Variants in RBMS3 observed in about 807,000 individuals in gnomAD.
RBMS3 encodes RNA binding motif single stranded interacting protein 3, also known as RNA-binding motif, single-stranded-interacting protein 3.
Under a neutral mutation model 66.8 loss-of-function variants are expected in RBMS3, and 27 were observed. The ratio of observed to expected loss-of-function variants is 0.40; its 90% confidence interval spans 0.30 to 0.56. The LOEUF (loss-of-function observed/expected upper bound fraction) is 0.56, where lower values mean the gene tolerates loss of function less well. RBMS3 is among the 20% of genes least tolerant of loss of function. The pLI is 0.40. For missense variants in RBMS3, 513 were observed against 549.5 expected, an observed-to-expected ratio of 0.93 and a Z score of 0.66; for synonymous variants, 188 against 183.0, an observed-to-expected ratio of 1.03 and a Z score of -0.22.
intron 12 of RBMS3, among the ~76,000 whole-genome samples, chr3:29,976,053 T>G (rs892106693): frequency 6.6e-6 from 1 of 151,990 alleles, no homozygotes; most frequent in Non-Finnish European, 1.5e-5. Context: ...TCTCTCATAT[T>G]TCTAGTTATT....
At chr3:29,402,969 A>G (rs2039875472) in intron 1 of RBMS3, among the ~76,000 whole-genome samples, 1 of 151,938 alleles carries the variant, frequency 6.6e-6, no homozygotes, top group South Asian at 2.1e-4. Context: ...TACTTTACTT[A>G]CTGAGCACTT....
At chr3:29,411,365 A>G (rs916753683) in intron 1 of RBMS3, among the ~76,000 whole-genome samples, 6 of 152,206 alleles carry the variant, frequency 3.9e-5, no homozygotes, top group African/African-American at 1.4e-4. Flanking sequence ...CTCTTTTGAC[A>G]AATCCTCATT....
intron 1 of RBMS3, among the ~76,000 whole-genome samples, chr3:29,295,356 T>C (rs2033182657): frequency 6.9e-6 from 1 of 145,272 alleles, no homozygotes; most frequent in African/African-American, 2.5e-5. Flanking sequence ...CATATATATA[T>C]ACACACACAT....
intron 14 of RBMS3, among the ~76,000 whole-genome samples, chr3:29,992,345 G>T (rs1698936540): frequency 6.6e-6 from 1 of 152,200 alleles, no homozygotes; most frequent in Non-Finnish European, 1.5e-5. Context: ...CCAGCACTAT[G>T]GGAGGCCGAG....
chr3:29,712,488 G>C (rs563233552), intron 4 of RBMS3, among the ~76,000 whole-genome samples: 2 of 152,072 alleles, frequency 1.3e-5, no homozygotes, highest in African/African-American at 4.8e-5. Context: ...AATGTTTATA[G>C]TTTTTGTAGA....
At chr3:29,409,106 G>A (rs1032902927) in intron 1 of RBMS3, among the ~76,000 whole-genome samples, 1 of 152,158 alleles carries the variant, frequency 6.6e-6, no homozygotes, top group African/African-American at 2.4e-5. Flanking sequence ...CTGTCCATTA[G>A]AATCTCAGAA....
intron 6 of RBMS3, among the ~76,000 whole-genome samples, chr3:29,838,669 T>C (rs1354280289): frequency 1.3e-5 from 2 of 152,190 alleles, no homozygotes; most frequent in Non-Finnish European, 2.9e-5. Flanking sequence ...GGATATTTGC[T>C]AAGTCTGATT....
At chr3:29,378,428 C>T (rs1218831215) in intron 1 of RBMS3, among the ~76,000 whole-genome samples, 2 of 150,638 alleles carry the variant, frequency 1.3e-5, no homozygotes, top group African/African-American at 4.9e-5. Flanking sequence ...GCCGAGATCG[C>T]GCCACGGCAT....
intron 1 of RBMS3, among the ~76,000 whole-genome samples, chr3:29,409,373 A>G (rs955576527): frequency 6.6e-6 from 1 of 152,036 alleles, no homozygotes; most frequent in Non-Finnish European, 1.5e-5. Flanking sequence ...GAGTCTCTCC[A>G]TGTGGCCTCC....
In RBMS3 at chr3:29,922,379, C is replaced by T. The variant is rs10440101; in HGVS notation, c.940-13707C>T. ...GCGGGCGCCTGTAGTCCCAGCTACTCGGGAGGCTGAGGCAGGAGAATGGCG... is the reference window on the plus strand; with the variant it reads ...GCGGGCGCCTGTAGTCCCAGCTACTTGGGAGGCTGAGGCAGGAGAATGGCG... On this transcript the variant is annotated intron_variant, in intron 10 of 14. Coordinates refer to ENST00000383767, the MANE Select transcript of RBMS3 (RefSeq NM_001003793.3). Among the ~76,000 whole-genome samples the T allele has an allele frequency of 6.2e-3, 929 of 150,254 alleles. 8 individuals are homozygous for T. Among genetic ancestry groups the T allele is most frequent in the African/African-American group, 0.022 (890 of 40,882 alleles).
chr3:29,709,333 G>A (rs891323871), intron 4 of RBMS3, among the ~76,000 whole-genome samples: 2 of 152,130 alleles, frequency 1.3e-5, no homozygotes, highest in Non-Finnish European at 1.5e-5. Context: ...GCAACTTCAC[G>A]GCTGACATTA....
chr3:29,850,373 T>C (rs1274266425), intron 6 of RBMS3, among the ~76,000 whole-genome samples: 5 of 152,184 alleles, frequency 3.3e-5, no homozygotes, highest in Admixed American at 1.3e-4. Flanking sequence ...TACATAACCT[T>C]CAATATATTC....
At chr3:29,350,159 C>G (rs1393110033) in intron 1 of RBMS3, among the ~76,000 whole-genome samples, 3 of 92,090 alleles carry the variant, frequency 3.3e-5, no homozygotes, top group African/African-American at 1.2e-4. Flanking sequence ...AAAACTCCAT[C>G]TGAAAAAAAA....
intron 1 of RBMS3, among the ~76,000 whole-genome samples, chr3:29,330,995 A>C (rs2035618748): frequency 6.6e-6 from 1 of 152,096 alleles, no homozygotes; most frequent in Non-Finnish European, 1.5e-5. Flanking sequence ...ATATTAATGC[A>C]CTGATTTAGG....
intron 1 of RBMS3, among the ~76,000 whole-genome samples, chr3:29,285,460 C>G (rs1424856981): frequency 6.6e-6 from 1 of 152,094 alleles, no homozygotes; most frequent in African/African-American, 2.4e-5. Flanking sequence ...GCAAGTTTCT[C>G]CTTTCTTCCT....
chr3:30,004,742 G>A lies in RBMS3; in HGVS notation c.*880G>A, dbSNP rs527398866. The A allele has an allele frequency of 2.6e-4, 39 of 152,128 alleles. No individual in the cohort carries two copies. Among genetic ancestry groups the A allele is most frequent in the African/African-American group, 9.2e-4 (38 of 41,424 alleles). The allele number at this position is 152,128 out of a possible 1,614,324, so 9.4% of individuals were successfully genotyped here. A position where few individuals can be genotyped will look rare whatever the true frequency, so the allele number is the denominator to read the frequency against. Reference sequence around the variant, plus strand: ...CTGCATTAGAAATAATGCGTGTTTGGGGGGCAGAATGCAGATTTTTTTAAT... The same window carrying A: ...CTGCATTAGAAATAATGCGTGTTTGAGGGGCAGAATGCAGATTTTTTTAAT... On this transcript the variant is annotated 3_prime_UTR_variant, in exon 15 of 15. Coordinates refer to ENST00000383767, the MANE Select transcript of RBMS3 (RefSeq NM_001003793.3).
chr3:29,661,792 T>A (rs759345105), intron 4 of RBMS3, among the ~76,000 whole-genome samples: 2 of 152,206 alleles, frequency 1.3e-5, no homozygotes, highest in African/African-American at 4.8e-5. Context: ...TTGAAGTCTC[T>A]CAAGAGGGTT....
chr3:29,680,869 A>G (rs1576508271), intron 4 of RBMS3, among the ~76,000 whole-genome samples: 2 of 152,216 alleles, frequency 1.3e-5, no homozygotes, highest in Admixed American at 6.5e-5. Flanking sequence ...TTTCAATACA[A>G]TGAAATACAG....
intron 1 of RBMS3, among the ~76,000 whole-genome samples, chr3:29,339,025 A>G (rs2125533033): frequency 6.6e-6 from 1 of 152,244 alleles, no homozygotes; most frequent in African/African-American, 2.4e-5. Flanking sequence ...CCTCACTCAG[A>G]GGTCAGCCAC....
Sources: gnomAD v4.1 joint callset for allele counts (sites outside exome capture counted in the v4.1 genomes callset) on GRCh38, gnomAD v4.1.1 for gene constraint, MANE v1.5 for transcripts, NCBI Gene and HGNC (gene_info 2026-07-23, HGNC 2026-07-21) for gene names.